The following LDLRAD3 variants were observed in gnomAD, a reference collection of about 807,000 sequenced individuals.
The protein encoded by LDLRAD3 is low-density lipoprotein receptor class A domain-containing protein 3.
Under a neutral mutation model 29.4 loss-of-function variants are expected in LDLRAD3, and 20 were observed. The observed-to-expected ratio is 0.68, with a 90% CI of 0.48 to 0.99. The LOEUF is 0.99. Ranked by LOEUF, LDLRAD3 falls within the 50% of genes least tolerant of loss-of-function variation. The pLI, the probability that LDLRAD3 is intolerant of heterozygous loss-of-function variation, is 0.00. For missense variants in LDLRAD3, 420 were observed against 454.3 expected, an observed-to-expected ratio of 0.92 and a Z score of 0.69; for synonymous variants, 157 against 192.7, an observed-to-expected ratio of 0.81 and a Z score of 1.53.
intron 4 of LDLRAD3, among the ~76,000 whole-genome samples, chr11:36,181,562 C>T (rs866114890): frequency 6.6e-6 from 1 of 152,164 alleles, no homozygotes; most frequent in Admixed American, 6.5e-5. Flanking sequence ...GGAACAAGCA[C>T]CCTAGGTTTT....
chr11:36,218,028 A>G (rs1855376187), intron 4 of LDLRAD3, among the ~76,000 whole-genome samples: 1 of 152,144 alleles, frequency 6.6e-6, no homozygotes, highest in Admixed American at 6.5e-5. Context: ...GAGGGACACT[A>G]CTCAACTCAA....
chr11:35,952,335 C>T (rs935720847), intron 1 of LDLRAD3, among the ~76,000 whole-genome samples: 2 of 152,242 alleles, frequency 1.3e-5, no homozygotes, highest in African/African-American at 4.8e-5. Context: ...TGGAGAATTC[C>T]AGCATTGCAT....
At chr11:36,055,561 G>C (rs1391181046) in intron 2 of LDLRAD3, among the ~76,000 whole-genome samples, 1 of 152,214 alleles carries the variant, frequency 6.6e-6, no homozygotes, top group Admixed American at 6.5e-5. Context: ...CAGCCTGGGG[G>C]ACTGGCAGAT....
Position 36,230,631 on chromosome 11 carries a change from TGG to T in LDLRAD3, c.*1235_*1236del, listed in dbSNP as rs1050345951. ...CAATTTGGAGTCAAGATTTTCCATT[TGG>T]ATCTATTTTAAATCTTTTAGAAATG... is the stretch of plus-strand genomic sequence containing the variant. On this transcript the variant is annotated 3_prime_UTR_variant, in exon 6 of 6. Coordinates refer to ENST00000315571, the MANE Select transcript of LDLRAD3 (RefSeq NM_174902.4). 15 of 152,688 alleles carry T rather than the reference TGG, an allele frequency of 9.8e-5. No individual in the cohort carries two copies. The highest frequency in any genetic ancestry group is 3.6e-4 in the African/African-American group (15 of 41,458). The allele number at this position is 152,688 out of a possible 1,614,324, so 9.5% of individuals were successfully genotyped here.
chr11:36,007,194 C>T lies in LDLRAD3; in HGVS notation c.47-28909C>T, dbSNP rs190474469. Among the ~76,000 whole-genome samples, 128 of 152,308 alleles carry T rather than the reference C, an allele frequency of 8.4e-4. 1 individual carries two copies. Among genetic ancestry groups the T allele is most frequent in the Non-Finnish European group, 1.7e-3 (115 of 68,020 alleles). The stretch of plus-strand genomic sequence containing the variant: ...CAGAAAGCTCCGAGTAAGTGGAAGT[C>T]GTACATGCACCCGAAGTAATTAATG... On this transcript the variant is annotated intron_variant, in intron 1 of 5. Transcript: ENST00000315571.
chr11:36,227,705 C>T (rs1855520440), intron 5 of LDLRAD3, among the ~76,000 whole-genome samples: 1 of 152,190 alleles, frequency 6.6e-6, no homozygotes, highest in African/African-American at 2.4e-5. Flanking sequence ...TTTCCAAATT[C>T]TACAGATGAG....
chr11:36,139,047 C>T (rs971823793), intron 4 of LDLRAD3, among the ~76,000 whole-genome samples: 1 of 152,226 alleles, frequency 6.6e-6, no homozygotes, highest in Admixed American at 6.5e-5. Context: ...CCTGCTATCC[C>T]TGTGCTGCCA....
chr11:36,107,255 C>A (rs1853542174), intron 4 of LDLRAD3, among the ~76,000 whole-genome samples: 1 of 151,166 alleles, frequency 6.6e-6, no homozygotes, highest in Non-Finnish European at 1.5e-5. Context: ...GGCTGGAGTG[C>A]AATGGCGCGA....
chr11:36,003,791 C>T (rs1308914135), intron 1 of LDLRAD3, among the ~76,000 whole-genome samples: 1 of 152,086 alleles, frequency 6.6e-6, no homozygotes, highest in Non-Finnish European at 1.5e-5. Context: ...CTCACAGTTC[C>T]ATAGGTTTAA....
Position 36,112,744 on chromosome 11 carries a change from C to T in LDLRAD3, c.454+14283C>T, listed in dbSNP as rs1412121479. On this transcript the variant is annotated intron_variant, in intron 4 of 5. Coordinates refer to ENST00000315571, the MANE Select transcript of LDLRAD3 (RefSeq NM_174902.4). Reference sequence around the variant, plus strand: ...AGCTACAGCTGGGAAAGGCAGAATTCATAGTAGAGAGTGCTGGTCCACCTA... The same window carrying T: ...AGCTACAGCTGGGAAAGGCAGAATTTATAGTAGAGAGTGCTGGTCCACCTA... Among the ~76,000 whole-genome samples, 6 of 152,198 alleles carry T rather than the reference C, an allele frequency of 3.9e-5. No individual in the cohort carries two copies. The East Asian group carries it at 1.2e-3, about 29-fold the overall frequency.
At chr11:36,163,991 A>G (rs1164763906) in intron 4 of LDLRAD3, among the ~76,000 whole-genome samples, 1 of 152,206 alleles carries the variant, frequency 6.6e-6, no homozygotes, top group Non-Finnish European at 1.5e-5. Context: ...TGACTGGATT[A>G]AGAAAATAGA....
chr11:36,023,820 A>G (rs2133199883), intron 1 of LDLRAD3, among the ~76,000 whole-genome samples: 1 of 152,250 alleles, frequency 6.6e-6, no homozygotes, highest in East Asian at 1.9e-4. Flanking sequence ...TGCCTTTCTC[A>G]TTTGACCTGC....
chr11:35,944,098 C>T lies in LDLRAD3; in HGVS notation c.-1C>T, dbSNP rs1359253824. On this transcript the variant is annotated 5_prime_UTR_variant, in exon 1 of 6. Coordinates refer to ENST00000315571, the MANE Select transcript of LDLRAD3 (RefSeq NM_174902.4). This position sits in a 1 kb window ranked among gnomAD's most constrained non-coding sequence, Gnocchi z 4.9. ...CGGGCAGCGGGAGCGGCGGCCGCGCCATGTGGCTGCTGGGGCCGCTGTGCC... is the reference window on the plus strand; with the variant it reads ...CGGGCAGCGGGAGCGGCGGCCGCGCTATGTGGCTGCTGGGGCCGCTGTGCC... The T allele has an allele frequency of 1.9e-6, 2 of 1,074,946 alleles. No individual in the cohort carries two copies. Among genetic ancestry groups the T allele is most frequent in the Non-Finnish European group, 2.3e-6 (2 of 888,600 alleles). 66.6% of individuals were successfully genotyped at this position (1,074,946 alleles called of 1,614,324 possible). A position where few individuals can be genotyped will look rare whatever the true frequency, so the allele number is the denominator to read the frequency against.
chr11:35,989,783 T>A (rs1481025250), intron 1 of LDLRAD3, among the ~76,000 whole-genome samples: 1 of 152,208 alleles, frequency 6.6e-6, no homozygotes, highest in African/African-American at 2.4e-5. Flanking sequence ...AAGTTGTTTA[T>A]CAGTTCTGGG....
At chr11:36,071,767 A>G (rs1487733932) in intron 2 of LDLRAD3, among the ~76,000 whole-genome samples, 1 of 152,110 alleles carries the variant, frequency 6.6e-6, no homozygotes, top group Non-Finnish European at 1.5e-5. Context: ...GCCCTTTGCT[A>G]TTGGAAGTGT....
At chr11:36,022,203 A>C (rs1008577757) in intron 1 of LDLRAD3, among the ~76,000 whole-genome samples, 1 of 152,174 alleles carries the variant, frequency 6.6e-6, no homozygotes, top group Non-Finnish European at 1.5e-5. Flanking sequence ...TACACTTCAG[A>C]TCACCCTTCC....
chr11:36,146,899 C>G (rs1464861279), intron 4 of LDLRAD3, among the ~76,000 whole-genome samples: 1 of 151,108 alleles, frequency 6.6e-6, no homozygotes, highest in African/African-American at 2.4e-5. Flanking sequence ...AAGTGATTCT[C>G]TCTCCTCAGC....
intron 1 of LDLRAD3, among the ~76,000 whole-genome samples, chr11:35,971,860 T>C (rs1390161237): frequency 6.6e-6 from 1 of 152,036 alleles, no homozygotes; most frequent in Non-Finnish European, 1.5e-5. Flanking sequence ...TACAGAACTG[T>C]GTAGGAGCCT....
intron 4 of LDLRAD3, among the ~76,000 whole-genome samples, chr11:36,128,776 G>A (rs1853881329): frequency 6.6e-6 from 1 of 152,048 alleles, no homozygotes; most frequent in African/African-American, 2.4e-5. Context: ...TTGAACCCAG[G>A]AGGCTGAGGT....
Sources: allele counts gnomAD v4.1 joint callset (sites outside exome capture counted in the v4.1 genomes callset), GRCh38; gene constraint gnomAD v4.1.1; non-coding constraint Gnocchi (gnomAD v3.1); transcripts MANE v1.5; gene names NCBI Gene and HGNC (gene_info 2026-07-23, HGNC 2026-07-21).